Variants in ZNF267 observed in about 807,000 individuals in gnomAD.
ZNF267 encodes the protein zinc finger (C2H2).
In ZNF267, 61 loss-of-function variants were observed where a neutral mutation model predicts 71.6. That is an observed-to-expected ratio of 0.85 (90% CI 0.69 to 1.05). The LOEUF is 1.05. ZNF267 is among the 50% of genes least tolerant of loss of function. ZNF267 has a pLI of 0.00. For missense variants in ZNF267, 852 were observed against 870.0 expected (o/e 0.98, Z 0.26); for synonymous variants, 288 against 293.2 (o/e 0.98, Z 0.18).
chr16:31,911,750 T>A (rs2084137176), intron 3 of ZNF267: 1 of 151,556 alleles, frequency 6.6e-6, no homozygotes, highest in Non-Finnish European at 1.5e-5. Flanking sequence ...CCTTTCTGTC[T>A]TCATTTTAGT....
At chr16:31,900,828 T>G (rs921043133) in intron 3 of ZNF267, among the ~76,000 whole-genome samples, 4 of 151,426 alleles carry the variant, frequency 2.6e-5, no homozygotes, top group African/African-American at 9.7e-5. Context: ...ATTTTAAGTT[T>G]TAGGGTACAT....
chr16:31,894,562 G>A (rs753150234), intron 3 of ZNF267: 62 of 502,252 alleles, frequency 1.2e-4, no homozygotes, highest in Non-Finnish European at 1.8e-4. Context: ...TCATAATCGC[G>A]CTCTCACCTT....
chr16:31,916,015 C>G lies in ZNF267; in HGVS notation c.1766C>G (p.Ser589Ter). The G allele has an allele frequency of 6.2e-7, 1 of 1,612,772 alleles. No homozygotes were observed. Among genetic ancestry groups the G allele is most frequent in the South Asian group, 1.1e-5 (1 of 91,082 alleles). ...TGTAGCAAATCTTTTAGTGACTCCT[C>G]AGGTCTTACTGTGCATCGGCGAACT... ...KACSKSFSDS[S>*]GLTVHRRTHT... Residue 589 changes from serine to a stop codon, truncating the protein, a stop_gained, in exon 4 of 4, where the codon TCA becomes TGA. Coordinates refer to ENST00000300870, the MANE Select transcript of ZNF267 (RefSeq NM_003414.6). LOFTEE classifies it high-confidence loss of function.
chr16:31,911,350 G>A (rs2084133913), intron 3 of ZNF267, among the ~76,000 whole-genome samples: 1 of 151,610 alleles, frequency 6.6e-6, no homozygotes, highest in South Asian at 2.1e-4. Flanking sequence ...GTGCTTTAGT[G>A]TAGGGTGCAT....
At chr16:31,907,222 GC>G (rs1435210436) in intron 3 of ZNF267, among the ~76,000 whole-genome samples, 11 of 151,884 alleles carry the variant, frequency 7.2e-5, no homozygotes, top group African/African-American at 2.7e-4. Context: ...TAAATTTTAG[GC>G]CATTTTCTCC....
intron 3 of ZNF267, among the ~76,000 whole-genome samples, chr16:31,895,993 CT>C (rs2083995385): frequency 1.3e-5 from 2 of 151,886 alleles, no homozygotes; most frequent in South Asian, 4.2e-4. Flanking sequence ...TTTGCTTTTT[CT>C]TTTGTTATCT....
At chr16:31,902,916 A>G (rs890071342) in intron 3 of ZNF267, among the ~76,000 whole-genome samples, 2 of 152,040 alleles carry the variant, frequency 1.3e-5, no homozygotes, top group African/African-American at 4.8e-5. Context: ...TCAGTGTGAT[A>G]TTGGCTGTGG....
rs1168356678 is a variant in ZNF267 at position 31,917,255 on chromosome 16, T to C, written c.*774T>C. Reference sequence around the variant, plus strand: ...ATGCCAAATGTAAAACACATGAAAATTTTTAAAAATATGCTCTTTGTGTTT... The same window carrying C: ...ATGCCAAATGTAAAACACATGAAAACTTTTAAAAATATGCTCTTTGTGTTT... On this transcript the variant is annotated 3_prime_UTR_variant, in exon 4 of 4. Transcript: ENST00000300870. 1 of 152,108 alleles carries C rather than the reference T, an allele frequency of 6.6e-6. No individual in the cohort carries two copies. Among genetic ancestry groups the C allele is most frequent in the African/African-American group, 2.4e-5 (1 of 41,426 alleles). The allele number at this position is 152,108 out of a possible 1,614,324, so 9.4% of individuals were successfully genotyped here.
Position 31,915,700 on chromosome 16 carries a change from G to C in ZNF267, c.1451G>C (p.Arg484Thr). ...TCTTCAAATCTTATTATGCATCAGA[G>C]AGTTCATACTGGAGAGAAGCCTTAT... ...ARSSNLIMHQ[R>T]VHTGEKPYKC... Residue 484 changes from arginine (R) to threonine (T), a missense_variant, in exon 4 of 4, where the codon AGA (arginine) becomes ACA (threonine). By Grantham distance (71) the Arg-to-Thr change is moderately conservative. Coordinates refer to ENST00000300870, the MANE Select transcript of ZNF267 (RefSeq NM_003414.6). The C allele has an allele frequency of 1.2e-6, 2 of 1,613,724 alleles. No homozygotes were observed. Among genetic ancestry groups the C allele is most frequent in the Non-Finnish European group, 1.7e-6 (2 of 1,179,942 alleles).
At position 31,885,266 on chromosome 16, in the gene ZNF267, A is replaced by C; in HGVS notation, c.226+10A>C. 6.2e-7 allele frequency: 1 copy of C among 1,602,682 alleles called. No homozygotes were observed. Among genetic ancestry groups the C allele is most frequent in the Non-Finnish European group, 8.5e-7 (1 of 1,174,138 alleles). Reference sequence around the variant, plus strand: ...GTAGCCATCCAGCCAGGTAGGTGGGAGCGAATGAAGTAGATGACATGGGCG... The same window carrying C: ...GTAGCCATCCAGCCAGGTAGGTGGGCGCGAATGAAGTAGATGACATGGGCG... On this transcript the variant is annotated intron_variant, in intron 3 of 3. Transcript: ENST00000300870.
At position 31,916,114 on chromosome 16, in the gene ZNF267, A is replaced by G. The variant is rs749812327; in HGVS notation, c.1865A>G (p.His622Arg). Residue 622 changes from histidine to arginine, a missense_variant, in exon 4 of 4, where the codon CAT (histidine) becomes CGT (arginine). Transcript: ENST00000300870. ...AGTTATAGTTCAGATGTTATTCAGC[A>G]TCGGAGAATTCATACTGGCCAGAGA... ...AFSYSSDVIQ[H>R]RRIHTGQRPY... is the part of the protein sequence containing the mutation. The G allele has an allele frequency of 2.5e-6, 4 of 1,614,060 alleles. No individual in the cohort carries two copies. The highest frequency in any genetic ancestry group is 3.3e-5 in the Admixed American group (2 of 60,010).
intron 3 of ZNF267, among the ~76,000 whole-genome samples, chr16:31,909,385 G>A (rs922936489): frequency 6.6e-5 from 10 of 151,840 alleles, no homozygotes; most frequent in Middle Eastern, 3.4e-3. Context: ...TGCCCACCTC[G>A]GCCTCCTAGG....
At chr16:31,885,585 A>G (rs143346634) in intron 3 of ZNF267, among the ~76,000 whole-genome samples, 3 of 152,270 alleles carry the variant, frequency 2.0e-5, no homozygotes, top group Admixed American at 6.5e-5. Flanking sequence ...TTCTACCTCT[A>G]TGTGAAACCA....
intron 3 of ZNF267, among the ~76,000 whole-genome samples, chr16:31,887,473 C>T (rs963660550): frequency 4.6e-5 from 7 of 151,924 alleles, no homozygotes; most frequent in African/African-American, 1.5e-4. Context: ...ATTGCCAAGG[C>T]CAGTGTCAAA....
intron 3 of ZNF267, among the ~76,000 whole-genome samples, chr16:31,902,548 G>C (rs1352713504): frequency 1.3e-5 from 2 of 151,736 alleles, no homozygotes; most frequent in African/African-American, 4.8e-5. Flanking sequence ...TATTCTCTTT[G>C]AAGCAATTGT....
At chr16:31,886,930 T>TG (rs1460507346) in intron 3 of ZNF267, among the ~76,000 whole-genome samples, 22 of 152,314 alleles carry the variant, frequency 1.4e-4, no homozygotes, top group African/African-American at 4.1e-4. Flanking sequence ...TTTTTTGAGG[T>TG]GCCTTCGTGC....
chr16:31,887,821 G>C (rs929453503), intron 3 of ZNF267, among the ~76,000 whole-genome samples: 2 of 151,918 alleles, frequency 1.3e-5, no homozygotes, highest in African/African-American at 2.4e-5. Flanking sequence ...GATGCCTCTA[G>C]CTTTATTCTT....
chr16:31,901,674 A>T (rs1365060292), intron 3 of ZNF267, among the ~76,000 whole-genome samples: 2 of 151,998 alleles, frequency 1.3e-5, no homozygotes, highest in Non-Finnish European at 2.9e-5. Flanking sequence ...GTTTGAGTTC[A>T]TTGTAGATTC....
chr16:31,877,094 T>C (rs1159365255), intron 1 of ZNF267, among the ~76,000 whole-genome samples: 2 of 152,096 alleles, frequency 1.3e-5, no homozygotes, highest in African/African-American at 4.8e-5. Context: ...TACAACCACT[T>C]CCATATAGTC....
Sources: gnomAD v4.1 joint callset for allele counts (sites outside exome capture counted in the v4.1 genomes callset) on GRCh38, gnomAD v4.1.1 for gene constraint, MANE v1.5 for transcripts, NCBI Gene and HGNC (gene_info 2026-07-23, HGNC 2026-07-21) for gene names.